IL23R: variants seen among roughly 807,000 people sequenced by gnomAD.
IL23R encodes the protein interleukin-23 receptor.
A neutral mutation model predicts 56.9 loss-of-function variants in IL23R; 34 were observed. That is an observed-to-expected ratio of 0.60 (90% confidence interval 0.45 to 0.80). IL23R has a LOEUF of 0.80. Among genes scored for constraint, IL23R ranks in the 30% least tolerant of loss-of-function variants. IL23R has a pLI of 0.00. For synonymous variants in IL23R, 230 were observed against 249.2 expected (o/e 0.92, Z 0.73); for missense variants, 635 against 730.0 (o/e 0.87, Z 1.50).
chr1:67,140,606 A>T (rs947106052), intron 1 of IL23R, among the ~76,000 whole-genome samples: 1 of 152,204 alleles, frequency 6.6e-6, no homozygotes, highest in Admixed American at 6.5e-5. Flanking sequence ...TAGGATGGGA[A>T]TTTACAGTTT....
At chr1:67,153,933 T>A (rs985466642) in intron 1 of IL23R, among the ~76,000 whole-genome samples, 10 of 151,958 alleles carry the variant, frequency 6.6e-5, no homozygotes, top group African/African-American at 1.5e-4. Flanking sequence ...GCCCAGCTAA[T>A]TTTTTTTGTA....
At chr1:67,238,307 C>G (rs2100320729) in intron 8 of IL23R, among the ~76,000 whole-genome samples, 1 of 150,838 alleles carries the variant, frequency 6.6e-6, no homozygotes, top group South Asian at 2.1e-4. Context: ...CCACTGCATT[C>G]CCGCCTGGGC....
chr1:67,223,513 T>A (rs1650432041), intron 7 of IL23R, among the ~76,000 whole-genome samples: 2 of 152,134 alleles, frequency 1.3e-5, no homozygotes, highest in African/African-American at 4.8e-5. Flanking sequence ...ACAGTAAAAG[T>A]GTGTTAGGGA....
Position 67,173,168 on chromosome 1 carries a change from C to T in IL23R, c.367+3530C>T, listed in dbSNP as rs551471312. Among the ~76,000 whole-genome samples the T allele has an allele frequency of 2.0e-5, 3 of 152,174 alleles. No homozygotes were observed. In the East Asian group the frequency reaches 5.8e-4, roughly 29 times the overall value. Reference sequence around the variant, plus strand: ...TCTAGTTGTATAGCCAGGTTTTGTTCTTGGATATTGAATAACCTGGCAATG... The same window carrying T: ...TCTAGTTGTATAGCCAGGTTTTGTTTTTGGATATTGAATAACCTGGCAATG... On this transcript the variant is annotated intron_variant, in intron 3 of 10. Transcript: ENST00000347310.
At chr1:67,166,983 T>A (rs934319684) in intron 1 of IL23R, among the ~76,000 whole-genome samples, 1 of 152,170 alleles carries the variant, frequency 6.6e-6, no homozygotes, top group African/African-American at 2.4e-5. Flanking sequence ...AGTAAATGAG[T>A]TAATTCATGT....
chr1:67,223,031 A>G (rs937052818), intron 7 of IL23R, among the ~76,000 whole-genome samples: 10 of 152,164 alleles, frequency 6.6e-5, no homozygotes, highest in Admixed American at 3.9e-4. Flanking sequence ...AGGCGAGTGG[A>G]TCACCTAAGG....
intron 6 of IL23R, among the ~76,000 whole-genome samples, chr1:67,218,178 T>G (rs1350729685): frequency 6.6e-6 from 1 of 151,996 alleles, no homozygotes; most frequent in Non-Finnish European, 1.5e-5. Context: ...GAAAAAAGGA[T>G]TTTTGTGTTT....
intron 4 of IL23R, among the ~76,000 whole-genome samples, chr1:67,199,887 G>A (rs939841188): frequency 1.3e-5 from 2 of 151,968 alleles, no homozygotes; most frequent in Non-Finnish European, 2.9e-5. Flanking sequence ...AAAAGTTAGC[G>A]TTTTTGTCCA....
intron 4 of IL23R, among the ~76,000 whole-genome samples, chr1:67,199,360 T>C (rs1183537650): frequency 6.6e-6 from 1 of 152,108 alleles, no homozygotes; most frequent in African/African-American, 2.4e-5. Flanking sequence ...TCTCACCCCA[T>C]CCTGACTCCT....
At chr1:67,192,322 T>C (rs1419172500) in intron 4 of IL23R, among the ~76,000 whole-genome samples, 1 of 152,186 alleles carries the variant, frequency 6.6e-6, no homozygotes, top group Non-Finnish European at 1.5e-5. Flanking sequence ...AGAAAGTCCT[T>C]GGGAACAGTT....
intron 7 of IL23R, among the ~76,000 whole-genome samples, chr1:67,228,763 A>G (rs1031992079): frequency 6.6e-6 from 1 of 152,000 alleles, no homozygotes; most frequent in African/African-American, 2.4e-5. Flanking sequence ...TCATGGCTCC[A>G]TCCTTCATTT....
rs930983131 is a variant in IL23R at position 67,199,903 on chromosome 1, A to C, written c.492-834A>C. Among the ~76,000 whole-genome samples, 6 of 152,352 alleles carry C rather than the reference A, an allele frequency of 3.9e-5. No homozygotes were observed. The South Asian group carries it at 6.2e-4, about 16-fold the overall frequency. ...AAAGTTAGCGTTTTTGTCCAGGCAC[A>C]GTGGCTCATGCCTGTAATCCTAGCA... is the stretch of plus-strand genomic sequence containing the variant. On this transcript the variant is annotated intron_variant, in intron 4 of 10. Transcript: ENST00000347310.
chr1:67,207,618 C>G (rs1262627159), intron 6 of IL23R: 1 of 394,038 alleles, frequency 2.5e-6, no homozygotes, highest in Non-Finnish European at 5.0e-6. Context: ...GCTTCTTCCT[C>G]ATTTTCTCTT....
chr1:67,206,417 C>T (rs1649062433), intron 5 of IL23R, among the ~76,000 whole-genome samples: 1 of 152,016 alleles, frequency 6.6e-6, no homozygotes, highest in Non-Finnish European at 1.5e-5. Flanking sequence ...CTCAAGTGAC[C>T]CTCCCATCTC....
chr1:67,255,365 G>A (rs1471855101), intron 9 of IL23R, among the ~76,000 whole-genome samples: 1 of 152,138 alleles, frequency 6.6e-6, no homozygotes, highest in African/African-American at 2.4e-5. Flanking sequence ...AAAAGATAAT[G>A]ACACAATTTC....
intron 3 of IL23R, among the ~76,000 whole-genome samples, chr1:67,181,923 A>G (rs1192309512): frequency 6.6e-6 from 1 of 152,206 alleles, no homozygotes; most frequent in East Asian, 1.9e-4. Context: ...CCTGGGTATC[A>G]GCAGTGGAGG....
intron 9 of IL23R, among the ~76,000 whole-genome samples, chr1:67,243,717 C>G (rs972237563): frequency 4.5e-4 from 68 of 152,162 alleles, no homozygotes; most frequent in African/African-American, 1.6e-3. Flanking sequence ...CTTTGATGTG[C>G]ATTTGGGTTG....
intron 6 of IL23R, among the ~76,000 whole-genome samples, chr1:67,218,140 G>A (rs751720051): frequency 3.3e-4 from 50 of 151,718 alleles, no homozygotes; most frequent in Non-Finnish European, 4.1e-4. Flanking sequence ...TTTTCATTAC[G>A]TTTTATAGCA....
intron 1 of IL23R, among the ~76,000 whole-genome samples, chr1:67,146,189 CCA>C (rs1161047457): frequency 9.2e-5 from 14 of 152,282 alleles, no homozygotes; most frequent in African/African-American, 3.4e-4. Context: ...TCAGCTGAGC[CCA>C]GTCAATTCCT....
Sources: gnomAD v4.1 joint callset for allele counts (sites outside exome capture counted in the v4.1 genomes callset) on GRCh38, gnomAD v4.1.1 for gene constraint, MANE v1.5 for transcripts, NCBI Gene and HGNC (gene_info 2026-07-23, HGNC 2026-07-21) for gene names.